ARHGEF16: variants seen among roughly 807,000 people sequenced by gnomAD.
ARHGEF16 encodes Rho guanine nucleotide exchange factor 16.
In ARHGEF16, 59 loss-of-function variants were observed where a neutral mutation model predicts 74.1. The observed-to-expected ratio is 0.80, with a 90% CI of 0.65 to 0.99. The LOEUF is 0.99. Among genes scored for constraint, ARHGEF16 ranks in the 50% least tolerant of loss-of-function variants. ARHGEF16 has a pLI of 0.00. For missense variants in ARHGEF16, 948 were observed against 986.6 expected (o/e 0.96, Z 0.52); for synonymous variants, 415 against 412.6 (o/e 1.01, Z -0.07).
chr1:3,455,297 TTCAG>T (rs1639241656), intron 1 of ARHGEF16, among the ~76,000 whole-genome samples: 1 of 151,606 alleles, frequency 6.6e-6, no homozygotes, highest in South Asian at 2.1e-4. Flanking sequence ...GCCCCAAAAT[TTCAG>T]AAAAGCCCCG....
chr1:3,461,308 C>T (rs1295913249), intron 1 of ARHGEF16, among the ~76,000 whole-genome samples: 2 of 152,234 alleles, frequency 1.3e-5, no homozygotes, highest in African/African-American at 2.4e-5. Context: ...GTCACTGCGG[C>T]GCAGACGCAG....
rs374315759 is a variant in ARHGEF16, at chr1:3,480,730, G to C, written c.*143G>C. Reference sequence around the variant, plus strand: ...CCCAAGAGCCTGTGGCTGTGGTGCCGGGCTCCAGACACTTCACGGAAGGAA... The same window carrying C: ...CCCAAGAGCCTGTGGCTGTGGTGCCCGGCTCCAGACACTTCACGGAAGGAA... On this transcript the variant is annotated 3_prime_UTR_variant, in exon 15 of 15. Transcript: ENST00000378378. 1 of 1,174,184 alleles carries C rather than the reference G, an allele frequency of 8.5e-7. No homozygotes were observed. The allele number at this position is 1,174,184 out of a possible 1,614,324, so 72.7% of individuals were successfully genotyped here. A position where few individuals can be genotyped will look rare whatever the true frequency, so the allele number is the denominator to read the frequency against.
chr1:3,468,050 G>T (rs1044082869), intron 4 of ARHGEF16, among the ~76,000 whole-genome samples: 3 of 152,172 alleles, frequency 2.0e-5, no homozygotes, highest in Non-Finnish European at 4.4e-5. Flanking sequence ...CCAGCGTGGG[G>T]TGAGGGCAGG....
In ARHGEF16 at chr1:3,478,557, C is replaced by G. The variant is rs1482346441; in HGVS notation, c.1759C>G (p.Leu587Val). Residue 587 changes from leucine (L) to valine (V), a missense_variant, in exon 12 of 15, where the codon CTG (leucine) becomes GTG (valine). Leu to Val is a conservative substitution (Grantham distance 32). Transcript: ENST00000378378. ...SSVPHPFQVT[L>V]LRNSEGRQEQ... ...CGTGCCCCACCCCTTCCAGGTGACCCTGCTTCGCAACAGCGAGGGCCGCCA... is the reference window on the plus strand; with the variant it reads ...CGTGCCCCACCCCTTCCAGGTGACCGTGCTTCGCAACAGCGAGGGCCGCCA... 1 of 1,612,508 alleles carries G rather than the reference C, an allele frequency of 6.2e-7. No individual in the cohort carries two copies. The highest frequency in any genetic ancestry group is 1.3e-5 in the African/African-American group (1 of 74,948).
Position 3,478,021 on chromosome 1 carries a change from G to A in ARHGEF16, c.1620G>A (p.Lys540=), listed in dbSNP as rs753715321. The change falls in exon 11 of 15, where the codon AAG becomes AAA. Residue 540 remains lysine (K), a synonymous_variant. Coordinates refer to ENST00000378378, the MANE Select transcript of ARHGEF16 (RefSeq NM_014448.4). The part of the protein sequence containing the change: ...LFNDVLVVTK[K]KSEESYMVQD... ...ACGATGTCCTGGTTGTGACCAAGAA[G>A]AAGAGGTGGCCTTAGGGCAGGAGGG... The A allele has an allele frequency of 2.5e-6, 4 of 1,612,728 alleles. No homozygotes were observed. The highest frequency in any genetic ancestry group is 1.3e-5 in the African/African-American group (1 of 75,066).
intron 10 of ARHGEF16, among the ~76,000 whole-genome samples, chr1:3,477,262 C>T (rs1053263722): frequency 9.7e-6 from 1 of 103,242 alleles, no homozygotes; most frequent in Non-Finnish European, 2.2e-5. Context: ...TGCCCTCCCC[C>T]CCACCCTGTA....
At chr1:3,472,418 G>A (rs766771303) in intron 6 of ARHGEF16, among the ~76,000 whole-genome samples, 15 of 151,912 alleles carry the variant, frequency 9.9e-5, no homozygotes, top group South Asian at 4.1e-4. Flanking sequence ...CTTCCAGGGA[G>A]TCTGCCAAGA....
intron 4 of ARHGEF16, among the ~76,000 whole-genome samples, 179 bp downstream of exon 4, chr1:3,467,516 T>C (rs1462349821): frequency 6.6e-6 from 1 of 152,126 alleles, no homozygotes; most frequent in African/African-American, 2.4e-5. Flanking sequence ...GGGGTCTCCC[T>C]CCTGTGCCCT....
intron 2 of ARHGEF16, among the ~76,000 whole-genome samples, chr1:3,464,312 A>G (rs974623684): frequency 1.3e-5 from 2 of 152,132 alleles, no homozygotes; most frequent in Non-Finnish European, 2.9e-5. Context: ...AGTGTCCCTC[A>G]TCCTCGGAGT....
chr1:3,480,474 G>T lies in ARHGEF16; in HGVS notation c.2017G>T (p.Asp673Tyr). Residue 673 changes from aspartate (D) to tyrosine (Y), a missense_variant, in exon 15 of 15, where the codon GAC becomes TAC. Physicochemically the swap from Asp to Tyr is radical, Grantham distance 160. Coordinates refer to ENST00000378378, the MANE Select transcript of ARHGEF16 (RefSeq NM_014448.4). ...GTGGCTCTATGGCGAGAGGCTCCGG[G>T]ACGGAGAGACGGGATGGTTCCCCGA... ...DGWLYGERLR[D>Y]GETGWFPEDF... 1.2e-6 allele frequency: 2 copies of T among 1,612,632 alleles called. No individual in the cohort carries two copies. Among genetic ancestry groups the T allele is most frequent in the Non-Finnish European group, 1.7e-6 (2 of 1,179,956 alleles).
chr1:3,463,207 C>T lies in ARHGEF16; in HGVS notation c.123C>T (p.Ser41=). 6.5e-7 allele frequency: 1 copy of T among 1,545,762 alleles called. No homozygotes were observed. The highest frequency in any genetic ancestry group is 8.7e-7 in the Non-Finnish European group (1 of 1,143,626). Residue 41 remains serine (S), a synonymous_variant, in exon 2 of 15, where the codon TCC becomes TCT. Transcript: ENST00000378378. ...PASGLPMVRG[S]PRVRDDAAFQ... ...CCGGGCTCCCAATGGTCCGTGGCTC[C>T]CCGCGTGTTAGAGACGATGCCGCCT...
chr1:3,464,683 G>A (rs1455540184), intron 2 of ARHGEF16, among the ~76,000 whole-genome samples: 2 of 152,222 alleles, frequency 1.3e-5, no homozygotes, highest in African/African-American at 4.8e-5. Flanking sequence ...GCGGGGGCAG[G>A]TGCTGTGTGA....
chr1:3,468,904 C>G lies in ARHGEF16; in HGVS notation c.829C>G (p.Gln277Glu). 1 of 1,550,418 alleles carries G rather than the reference C, an allele frequency of 6.4e-7. No individual in the cohort carries two copies. The highest frequency in any genetic ancestry group is 8.7e-7 in the Non-Finnish European group (1 of 1,146,860). The stretch of plus-strand genomic sequence containing the variant: ...GGTGGTGGAATTGGGCATCCTGGAC[C>G]AGCTCTCCACTGAGGAGCGGAAAAG... ...PEVVELGILD[Q>E]LSTEERKRQE... Residue 277 changes from glutamine to glutamate, a missense_variant, in exon 5 of 15, where the codon CAG becomes GAG. By Grantham distance (29) the Gln-to-Glu change is conservative. Transcript: ENST00000378378.
chr1:3,462,956 G>A (rs1456597222), intron 1 of ARHGEF16, 110 bp from the exon 2 acceptor site: 2 of 707,386 alleles, frequency 2.8e-6, no homozygotes, highest in Admixed American at 3.1e-5. Context: ...CTGTGTCCTG[G>A]GAGCTGTACT....
intron 2 of ARHGEF16, among the ~76,000 whole-genome samples, chr1:3,464,196 G>A (rs1020609018): frequency 2.0e-5 from 3 of 152,234 alleles, no homozygotes; most frequent in African/African-American, 7.2e-5. Context: ...GTGGCTCTAG[G>A]TCTGGGGCAT....
intron 3 of ARHGEF16, among the ~76,000 whole-genome samples, chr1:3,466,493 G>T (rs1428510357): frequency 6.6e-6 from 1 of 152,172 alleles, no homozygotes. Flanking sequence ...AGCCTACAGT[G>T]GCCGTGTTGG....
At chr1:3,478,257 ACTCGAAAGCCATGGC>A in intron 11 of ARHGEF16, 152 bp from the exon 12 acceptor site, 3 of 926,934 alleles carry the variant, frequency 3.2e-6, no homozygotes, top group Non-Finnish European at 4.9e-6. Flanking sequence ...CACGAGGAGG[ACTCGAAAGCCATGGC>A]CTCTGTTCTG....
In ARHGEF16 at chr1:3,463,411, G is replaced by T. The variant is rs187850004; in HGVS notation, c.327G>T (p.Gly109=). ...CCCCAGCCCGCCACCAGAGCTTCGG[G>T]GCGGCTGTACTTAGCAGGGAGGCCG... ...AKTPARHQSF[G]AAVLSREAAR... is the part of the protein sequence containing the mutation. Residue 109 remains glycine (G), a synonymous_variant, in exon 2 of 15, where the codon GGG becomes GGT. Coordinates refer to ENST00000378378, the MANE Select transcript of ARHGEF16 (RefSeq NM_014448.4). The T allele has an allele frequency of 9.2e-5, 143 of 1,550,118 alleles. 1 individual carries two copies. In the Admixed American group the frequency reaches 2.7e-3, roughly 30 times the overall value.
At chr1:3,473,687 C>G (rs967709021) in intron 8 of ARHGEF16, 165 bp downstream of exon 8, 1 of 1,216,092 alleles carries the variant, frequency 8.2e-7, no homozygotes, top group African/African-American at 1.5e-5. Context: ...ACCAGGATAA[C>G]TTTGTGGTCG....
Sources: gnomAD v4.1 joint callset for allele counts (sites outside exome capture counted in the v4.1 genomes callset) on GRCh38, gnomAD v4.1.1 for gene constraint, MANE v1.5 for transcripts, NCBI Gene and HGNC (gene_info 2026-07-23, HGNC 2026-07-21) for gene names.